RUNX3: variants seen among roughly 807,000 people sequenced by gnomAD.
RUNX3 encodes runt-related transcription factor 3.
RUNX3 carries 10 observed loss-of-function variants against 27.7 expected under a neutral mutation model. The ratio of observed to expected loss-of-function variants is 0.36; its 90% CI spans 0.22 to 0.61. The LOEUF is 0.61. Ranked by LOEUF, RUNX3 falls within the 20% of genes least tolerant of loss-of-function variation. RUNX3 has a pLI of 0.72. For missense variants in RUNX3, 469 were observed against 629.5 expected (o/e 0.75, Z 2.73); for synonymous variants, 270 against 269.2 (o/e 1.00, Z -0.03).
At position 24,902,375 on chromosome 1, in the gene RUNX3, A is replaced by T; in HGVS notation, c.995T>A (p.Leu332His). The change falls in exon 5 of 5, where the codon CTC becomes CAC. Residue 332 changes from leucine (L) to histidine (H), a missense_variant. Leu to His is a moderately conservative substitution (Grantham distance 99). This residue lies in a region of RUNX3 where 279 missense variants were observed against 343.0 expected (regional missense o/e 0.81). Coordinates refer to ENST00000308873, the MANE Select transcript of RUNX3 (RefSeq NM_004350.3). This position sits in a 1 kb window ranked among gnomAD's most constrained non-coding sequence, Gnocchi z 9.2. ...GGAGCCAGAGGATGTCCCGTAGTAGAGGTGGTAGGGGGACGGGTTGGCCTG... is the reference window on the plus strand; with the variant it reads ...GGAGCCAGAGGATGTCCCGTAGTAGTGGTGGTAGGGGGACGGGTTGGCCTG... ...PFQANPSPYH[L>H]YYGTSSGSYQ... 1 of 1,612,430 alleles carries T rather than the reference A, an allele frequency of 6.2e-7. No homozygotes were observed. Among genetic ancestry groups the T allele is most frequent in the Admixed American group, 1.7e-5 (1 of 59,998 alleles).
In RUNX3 at chr1:24,929,971, A is replaced by G; in HGVS notation, c.-103T>C. 2 of 1,193,478 alleles carry G rather than the reference A, an allele frequency of 1.7e-6. No individual in the cohort carries two copies. Among genetic ancestry groups the G allele is most frequent in the Middle Eastern group, 6.7e-4 (2 of 2,976 alleles). 73.9% of individuals were successfully genotyped at this position (1,193,478 alleles called of 1,614,324 possible). A position where few individuals can be genotyped will look rare whatever the true frequency, so the allele number is the denominator to read the frequency against. ...GGCCGCCGCTGCCGCGAGAAGCGGG[A>G]AAGCAGAAGCGGCGGGGCCCGGGCC... On this transcript the variant is annotated 5_prime_UTR_variant, in exon 1 of 5. Transcript: ENST00000308873.
At chr1:24,956,701 G>A (rs904394979) in intron 2 of RUNX3, among the ~76,000 whole-genome samples, 49 of 152,206 alleles carry the variant, frequency 3.2e-4, no homozygotes, top group African/African-American at 1.1e-3. Context: ...ACTCAGGCTT[G>A]AGGAAGGAGC....
rs890322655 is a variant in RUNX3, at chr1:24,902,549, A to G, written c.821T>C (p.Met274Thr). Residue 274 changes from methionine (M) to threonine (T), a missense_variant, in exon 5 of 5, where the codon ATG becomes ACG. Met to Thr is a moderately conservative substitution (Grantham distance 81). Coordinates refer to ENST00000308873, the MANE Select transcript of RUNX3 (RefSeq NM_004350.3). This position sits in a 1 kb window ranked among gnomAD's most constrained non-coding sequence, Gnocchi z 9.2. Reference sequence around the variant, plus strand: ...GGCGCTGTAGGGGAAGGCAGCTGACATGGCCCCGGGATAATGCATCCTGGG... The same window carrying G: ...GGCGCTGTAGGGGAAGGCAGCTGACGTGGCCCCGGGATAATGCATCCTGGG... ...PDPRMHYPGA[M>T]SAAFPYSATP... is the part of the protein sequence containing the mutation. 1.3e-6 allele frequency: 2 copies of G among 1,589,952 alleles called. No homozygotes were observed. The highest frequency in any genetic ancestry group is 8.6e-7 in the Non-Finnish European group (1 of 1,162,690).
intron 2 of RUNX3, among the ~76,000 whole-genome samples, chr1:24,941,767 A>G (rs1368115080): frequency 6.6e-6 from 1 of 152,116 alleles, no homozygotes; most frequent in African/African-American, 2.4e-5. Flanking sequence ...GCCCTGTGTG[A>G]TGACCTGAGT....
chr1:24,908,099 G>GAACCTCTACGACACGCGGTGATCCA (rs1557837202), intron 3 of RUNX3, among the ~76,000 whole-genome samples: 2 of 105,452 alleles, frequency 1.9e-5, no homozygotes, highest in East Asian at 3.0e-4. Context: ...GCGGTGATCC[G>GAACCTCTACGACACGCGGTGATCCA]AACCTCTACG....
intron 2 of RUNX3, among the ~76,000 whole-genome samples, chr1:24,959,114 C>A (rs567817517): frequency 6.6e-6 from 1 of 152,348 alleles, no homozygotes; most frequent in South Asian, 2.1e-4. Context: ...CTCTGCTTAT[C>A]CGTCTCCCGG....
chr1:24,915,390 C>T (rs1419195474), intron 3 of RUNX3, among the ~76,000 whole-genome samples: 3 of 152,200 alleles, frequency 2.0e-5, no homozygotes, highest in African/African-American at 7.2e-5. Context: ...TGCCACTGCA[C>T]TCCAGCCTGG....
chr1:24,902,683 AAG>A lies in RUNX3; in HGVS notation c.704-19_704-18del, dbSNP rs1467296306. ...CCGAGGTGCCTGGAGGACAGCAGGG[AAG>A]AGGTCAGTTCCAGCTCGAGACAACC... On this transcript the variant is annotated intron_variant, in intron 4 of 4. Coordinates refer to ENST00000308873, the MANE Select transcript of RUNX3 (RefSeq NM_004350.3). This position sits in a 1 kb window ranked among gnomAD's most constrained non-coding sequence, Gnocchi z 9.2. The A allele has an allele frequency of 6.6e-7, 1 of 1,508,522 alleles. No homozygotes were observed. Among genetic ancestry groups the A allele is most frequent in the South Asian group, 1.3e-5 (1 of 74,490 alleles). 93.4% of individuals were successfully genotyped at this position (1,508,522 alleles called of 1,614,324 possible). A position where few individuals can be genotyped will look rare whatever the true frequency, so the allele number is the denominator to read the frequency against.
At chr1:24,919,558 A>T in intron 2 of RUNX3, 3 of 425,066 alleles carry the variant, frequency 7.1e-6, no homozygotes, top group South Asian at 3.4e-5. Flanking sequence ...AACTTTGTCA[A>T]CCCCCCGCCC....
chr1:24,947,380 T>C (rs907205070), intron 2 of RUNX3, among the ~76,000 whole-genome samples: 2 of 152,146 alleles, frequency 1.3e-5, no homozygotes, highest in African/African-American at 4.8e-5. Context: ...TCTCCGTCTG[T>C]GAAATGGGAG....
chr1:24,902,481 T>C lies in RUNX3; in HGVS notation c.889A>G (p.Met297Val), dbSNP rs1640578815. 1 of 1,600,454 alleles carries C rather than the reference T, an allele frequency of 6.2e-7. No individual in the cohort carries two copies. Among genetic ancestry groups the C allele is most frequent in the African/African-American group, 1.3e-5 (1 of 74,668 alleles). Residue 297 changes from methionine to valine, a missense_variant, in exon 5 of 5, where the codon ATG (methionine) becomes GTG (valine). Around this residue, in one of 3 missense-constraint regions of RUNX3, gnomAD observed 279 missense variants for 343.0 expected, o/e 0.81. Transcript: ENST00000308873. This position sits in a 1 kb window ranked among gnomAD's most constrained non-coding sequence, Gnocchi z 9.2. ...TSISSLSVAG[M>V]PATSRFHHTY... ...TGGTGGAAGCGGCTGGTGGCCGGCA[T>C]GCCCGCCACGCTGAGGCTGCTGATG...
intron 2 of RUNX3, among the ~76,000 whole-genome samples, chr1:24,941,995 C>G (rs1162089892): frequency 6.6e-6 from 1 of 152,200 alleles, no homozygotes; most frequent in Non-Finnish European, 1.5e-5. Context: ...TGAATGTCCT[C>G]AGACCTGGGG....
intron 2 of RUNX3, among the ~76,000 whole-genome samples, chr1:24,959,098 T>G (rs1346847081): frequency 6.6e-6 from 1 of 152,178 alleles, no homozygotes; most frequent in African/African-American, 2.4e-5. Context: ...AGGTCAGGTT[T>G]TCAGGCTCTG....
intron 2 of RUNX3, among the ~76,000 whole-genome samples, chr1:24,924,196 C>T (rs1003966403): frequency 2.0e-5 from 3 of 152,226 alleles, no homozygotes; most frequent in Admixed American, 1.3e-4. Flanking sequence ...GTGAACAACA[C>T]CCCCATCTCT....
At chr1:24,931,369 C>A (rs989959509), upstream of RUNX3, among the ~76,000 whole-genome samples, 1 of 152,196 alleles carries the variant, frequency 6.6e-6, no homozygotes, top group Non-Finnish European at 1.5e-5. Flanking sequence ...GTGGCCCAAC[C>A]TCTCCTGGGC....
chr1:24,938,468 A>G (rs1641398610), intron 2 of RUNX3, among the ~76,000 whole-genome samples: 1 of 152,094 alleles, frequency 6.6e-6, no homozygotes, highest in South Asian at 2.1e-4. Flanking sequence ...GCCTCTGCAC[A>G]AACTTTCGGA....
chr1:24,940,245 C>T (rs770417004), intron 2 of RUNX3, among the ~76,000 whole-genome samples: 5 of 152,144 alleles, frequency 3.3e-5, no homozygotes, highest in African/African-American at 1.2e-4. Flanking sequence ...GCAGGGAGTT[C>T]GAGTGTTAGA....
intron 2 of RUNX3, among the ~76,000 whole-genome samples, chr1:24,945,280 C>T (rs766004361): frequency 9.2e-5 from 14 of 152,088 alleles, no homozygotes; most frequent in Non-Finnish European, 1.5e-4. Flanking sequence ...TTTTATCTGG[C>T]GAATTCATCC....
In RUNX3 at chr1:24,962,770, C is replaced by G. The variant is rs1642150860; in HGVS notation, c.58+1744G>C. ...GACATGTTGGGCCAAAGCCACCTCT[C>G]CCTTTGTGCCCTTTGTGCTACTGCC... is the stretch of plus-strand genomic sequence containing the variant. On this transcript the variant is annotated intron_variant, in intron 2 of 6. Transcript: ENST00000338888. The surrounding 1 kb of genome is among the most constrained non-coding windows in gnomAD (Gnocchi z 4.5). Among the ~76,000 whole-genome samples the G allele has an allele frequency of 6.6e-6, 1 of 152,184 alleles. No homozygotes were observed. Among genetic ancestry groups the G allele is most frequent in the African/African-American group, 2.4e-5 (1 of 41,428 alleles).
Sources: gnomAD v4.1 joint callset for allele counts (sites outside exome capture counted in the v4.1 genomes callset) on GRCh38, gnomAD v4.1.1 for gene constraint, gnomAD v4.1.1 regional missense constraint, Gnocchi (gnomAD v3.1) non-coding constraint, MANE v1.5 for transcripts, NCBI Gene and HGNC (gene_info 2026-07-23, HGNC 2026-07-21) for gene names.